CFAP299: variants seen among roughly 807,000 people sequenced by gnomAD.
The protein encoded by CFAP299 is cilia- and flagella-associated protein 299.
Under a neutral mutation model 27.0 loss-of-function variants are expected in CFAP299, and 21 were observed. That is an observed-to-expected ratio of 0.78 (90% CI 0.55 to 1.12). The LOEUF (loss-of-function observed/expected upper bound fraction) is 1.12, where lower values mean the gene tolerates loss of function less well. Ranked by LOEUF, CFAP299 falls within the 50% of genes most tolerant of loss-of-function variation. The probability of loss-of-function intolerance (pLI) is 0.00; values close to 1 mark genes in which losing one functional copy is unlikely to be tolerated. For synonymous variants in CFAP299, 104 were observed against 98.1 expected, an observed-to-expected ratio of 1.06 and a Z score of -0.36; for missense variants, 310 against 276.6, an observed-to-expected ratio of 1.12 and a Z score of -0.86.
intron 3 of CFAP299, among the ~76,000 whole-genome samples, chr4:80,737,043 C>T (rs1267095107): frequency 6.6e-6 from 1 of 151,940 alleles, no homozygotes; most frequent in Non-Finnish European, 1.5e-5. Context: ...AATCGTCATT[C>T]TCAGTAAACT....
chr4:80,672,851 C>G (rs573996198), intron 3 of CFAP299, among the ~76,000 whole-genome samples: 1 of 151,962 alleles, frequency 6.6e-6, no homozygotes, highest in Admixed American at 6.6e-5. Flanking sequence ...GTGGTGATAT[C>G]CCCTTTGTCA....
chr4:80,347,504 C>T (rs541194174), intron 1 of CFAP299, among the ~76,000 whole-genome samples: 118 of 152,106 alleles, frequency 7.8e-4, no homozygotes, highest in African/African-American at 2.5e-3. Flanking sequence ...AGCAAAGAGC[C>T]GAATCATGTA....
intron 2 of CFAP299, among the ~76,000 whole-genome samples, chr4:80,397,626 A>C (rs1725877609): frequency 6.6e-6 from 1 of 152,164 alleles, no homozygotes; most frequent in South Asian, 2.1e-4. Flanking sequence ...GCCTTTGACA[A>C]AATTCAACAA....
At chr4:80,442,414 G>A (rs183111705) in intron 2 of CFAP299, among the ~76,000 whole-genome samples, 11 of 152,204 alleles carry the variant, frequency 7.2e-5, no homozygotes, top group South Asian at 2.1e-4. Flanking sequence ...ACTCAAAACC[G>A]CAGAACTACA....
At chr4:80,902,645 G>A (rs1209352221) in intron 4 of CFAP299, among the ~76,000 whole-genome samples, 1 of 143,854 alleles carries the variant, frequency 7.0e-6, no homozygotes, top group Non-Finnish European at 1.5e-5. Flanking sequence ...CTCCCTAGTT[G>A]GGGCTATAGT....
chr4:80,468,845 A>T (rs1729843565), intron 2 of CFAP299, among the ~76,000 whole-genome samples: 1 of 151,540 alleles, frequency 6.6e-6, no homozygotes, highest in Non-Finnish European at 1.5e-5. Flanking sequence ...AAAAAAAAAA[A>T]AAAAAAAAAG....
intron 3 of CFAP299, among the ~76,000 whole-genome samples, chr4:80,753,609 G>A (rs1725062178): frequency 6.6e-6 from 1 of 151,842 alleles, no homozygotes; most frequent in Non-Finnish European, 1.5e-5. Flanking sequence ...TTCTCCTTTT[G>A]CAATTCCTGT....
chr4:80,684,560 G>A (rs187854865), intron 3 of CFAP299, among the ~76,000 whole-genome samples: 5 of 152,112 alleles, frequency 3.3e-5, no homozygotes, highest in South Asian at 2.1e-4. Context: ...GAGCCACTGC[G>A]CCCGGCCTGA....
chr4:80,556,244 C>A (rs1393678430), intron 2 of CFAP299, among the ~76,000 whole-genome samples: 1 of 151,954 alleles, frequency 6.6e-6, no homozygotes, highest in African/African-American at 2.4e-5. Context: ...GAGTCCTTTT[C>A]GTGAACTCCT....
intron 3 of CFAP299, among the ~76,000 whole-genome samples, chr4:80,709,480 G>A (rs76758783): frequency 6.6e-6 from 1 of 152,114 alleles, no homozygotes; most frequent in Non-Finnish European, 1.5e-5. Flanking sequence ...ACTTTATTGA[G>A]CACGTTTCTT....
chr4:80,872,817 T>G, intron 4 of CFAP299: 1 of 825,018 alleles, frequency 1.2e-6, no homozygotes, highest in Non-Finnish European at 1.5e-6. Context: ...CTATTCTTTT[T>G]CTTGCAAATT....
chr4:80,875,116 A>G (rs1438616151), intron 4 of CFAP299, among the ~76,000 whole-genome samples: 1 of 152,104 alleles, frequency 6.6e-6, no homozygotes, highest in Admixed American at 6.6e-5. Context: ...CCATTAAGCA[A>G]CACTCTTCTG....
Position 80,390,493 on chromosome 4 carries a change from A to ATATATATGTATATATACACACATATATG in CFAP299, c.242+27625_242+27652dup, listed in dbSNP as rs1560542933. On this transcript the variant is annotated intron_variant, in intron 2 of 5. Transcript: ENST00000358105. ...GCAATTCTCTCCTCTCTCTCTCTCT[A>ATATATATGTATATATACACACATATATG]TATATATGTATATATACACACATAT... Among the ~76,000 whole-genome samples, 5 of 129,654 alleles carry ATATATATGTATATATACACACATATATG rather than the reference A, an allele frequency of 3.9e-5. No individual in the cohort carries two copies. In the East Asian group the frequency reaches 6.7e-4, roughly 17 times the overall value. The allele number at this position is 129,654 out of a possible 152,430, so 85.1% of individuals were successfully genotyped here.
intron 2 of CFAP299, among the ~76,000 whole-genome samples, chr4:80,476,861 A>G (rs1252236333): frequency 6.6e-6 from 1 of 151,630 alleles, no homozygotes; most frequent in Non-Finnish European, 1.5e-5. Flanking sequence ...TTCCTTAAGG[A>G]TACTGTCTCC....
At chr4:80,724,859 TTTCC>T (rs1168281578) in intron 3 of CFAP299, among the ~76,000 whole-genome samples, 3 of 151,384 alleles carry the variant, frequency 2.0e-5, no homozygotes, top group Non-Finnish European at 2.9e-5. Context: ...CCTTCCTTCC[TTTCC>T]TTCCTTCTTT....
chr4:80,462,789 G>C (rs1348328831), intron 2 of CFAP299, among the ~76,000 whole-genome samples: 1 of 152,068 alleles, frequency 6.6e-6, no homozygotes, highest in Non-Finnish European at 1.5e-5. Context: ...GCCCTCATTA[G>C]TCTATTACTC....
intron 3 of CFAP299, among the ~76,000 whole-genome samples, chr4:80,698,223 G>A (rs969636878): frequency 1.3e-5 from 2 of 152,116 alleles, no homozygotes; most frequent in East Asian, 1.9e-4. Flanking sequence ...GAAATCATTC[G>A]TTTAAAGACA....
chr4:80,548,996 G>A (rs865971633), intron 2 of CFAP299, among the ~76,000 whole-genome samples: 13 of 152,072 alleles, frequency 8.5e-5, no homozygotes, highest in African/African-American at 3.1e-4. Context: ...CCTAAGGTGG[G>A]AAAAATCATC....
intron 3 of CFAP299, among the ~76,000 whole-genome samples, chr4:80,740,868 AC>A (rs1724221175): frequency 6.6e-6 from 1 of 151,832 alleles, no homozygotes; most frequent in South Asian, 2.1e-4. Context: ...ACCGATGTTT[AC>A]TTAAAGCCAA....
Sources: gnomAD v4.1 joint callset for allele counts (sites outside exome capture counted in the v4.1 genomes callset) on GRCh38, gnomAD v4.1.1 for gene constraint, MANE v1.5 for transcripts, NCBI Gene and HGNC (gene_info 2026-07-23, HGNC 2026-07-21) for gene names.